SUPT3H: variants seen among roughly 807,000 people sequenced by gnomAD.
SUPT3H encodes transcription initiation protein SPT3 homolog.
In SUPT3H, 44 loss-of-function variants were observed where a neutral mutation model predicts 44.3. That is an observed-to-expected ratio of 0.99 (90% CI 0.78 to 1.28). SUPT3H has a LOEUF of 1.28. Ranked by LOEUF, SUPT3H falls within the 50% of genes most tolerant of loss-of-function variation. The pLI, the probability that SUPT3H is intolerant of heterozygous loss-of-function variation, is 0.00. For synonymous variants in SUPT3H, 124 were observed against 125.6 expected (o/e 0.99, Z 0.09); for missense variants, 380 against 387.1 (o/e 0.98, Z 0.15).
chr6:45,139,240 A>C (rs1354441645), intron 2 of SUPT3H, among the ~76,000 whole-genome samples: 1 of 152,240 alleles, frequency 6.6e-6, no homozygotes, highest in Non-Finnish European at 1.5e-5. Context: ...TAAAAACAAA[A>C]TGAAAATTTT....
intron 2 of SUPT3H, among the ~76,000 whole-genome samples, chr6:45,340,781 A>T (rs1399276081): frequency 2.0e-5 from 3 of 152,142 alleles, no homozygotes; most frequent in Non-Finnish European, 4.4e-5. Flanking sequence ...AACACCAAGA[A>T]TGTCTAATCC....
chr6:44,916,663 G>C (rs749655214), intron 10 of SUPT3H, among the ~76,000 whole-genome samples: 1 of 152,164 alleles, frequency 6.6e-6, no homozygotes, highest in Non-Finnish European at 1.5e-5. Context: ...CAAATGTCAG[G>C]CTGGGCTTCC....
intron 2 of SUPT3H, among the ~76,000 whole-genome samples, chr6:45,288,522 AG>A (rs1156928354): frequency 7.2e-6 from 1 of 138,482 alleles, no homozygotes; most frequent in Non-Finnish European, 1.6e-5. Context: ...ACACACAATA[AG>A]AGATACAATG....
chr6:45,342,296 T>C (rs2150139131), intron 2 of SUPT3H, among the ~76,000 whole-genome samples: 2 of 152,186 alleles, frequency 1.3e-5, no homozygotes, highest in Middle Eastern at 6.8e-3. Context: ...AGTGTGTCGC[T>C]CTGTCACCAG....
At chr6:45,285,715 A>G (rs1779116464) in intron 2 of SUPT3H, among the ~76,000 whole-genome samples, 1 of 152,110 alleles carries the variant, frequency 6.6e-6, no homozygotes, top group African/African-American at 2.4e-5. Context: ...GCTACCAATG[A>G]CTTTCTTCAC....
At chr6:44,987,227 G>A (rs1343613811) in intron 6 of SUPT3H, among the ~76,000 whole-genome samples, 1 of 145,742 alleles carries the variant, frequency 6.9e-6, no homozygotes, top group Non-Finnish European at 1.5e-5. Context: ...AACTCCCAAA[G>A]GTCCCATCTC....
intron 9 of SUPT3H, among the ~76,000 whole-genome samples, chr6:44,936,622 A>T (rs1562083829): frequency 6.6e-6 from 1 of 152,200 alleles, no homozygotes; most frequent in African/African-American, 2.4e-5. Context: ...GTTTCACATA[A>T]GATGATTGCC....
intron 9 of SUPT3H, among the ~76,000 whole-genome samples, chr6:44,939,057 A>C (rs566452516): frequency 2.6e-5 from 4 of 152,130 alleles, no homozygotes; most frequent in Admixed American, 6.5e-5. Flanking sequence ...GATAACTTTT[A>C]TTTCTTTCTC....
At chr6:45,272,684 CTT>C (rs1054042693) in intron 2 of SUPT3H, among the ~76,000 whole-genome samples, 60 of 152,262 alleles carry the variant, frequency 3.9e-4, no homozygotes, top group African/African-American at 1.2e-3. Flanking sequence ...CAAAATTGCT[CTT>C]GATTGGAGGA....
intron 2 of SUPT3H, 48 bp from the exon 3 acceptor site, chr6:45,106,054 G>GA: frequency 6.9e-7 from 1 of 1,439,242 alleles, no homozygotes; most frequent in South Asian, 1.2e-5. Context: ...ATAAAACTAA[G>GA]AAAGGCAAAA....
In SUPT3H at chr6:44,924,834, GA is replaced by G. The variant is rs772977012; in HGVS notation, c.912+7818del. Among the ~76,000 whole-genome samples the G allele has an allele frequency of 2.6e-3, 396 of 152,010 alleles. 10 individuals carry two copies. Among genetic ancestry groups the G allele is most frequent in the Non-Finnish European group, 8.2e-4 (56 of 67,928 alleles). On this transcript the variant is annotated intron_variant, in intron 10 of 10. Coordinates refer to ENST00000371459, the MANE Select transcript of SUPT3H (RefSeq NM_003599.4). ...TTAGTACTCTCAAAAAATTTATTATGAAAATTTTCACTTCCAGTAAAAACAC... is the reference window on the plus strand; with the variant it reads ...TTAGTACTCTCAAAAAATTTATTATGAAATTTTCACTTCCAGTAAAAACAC...
chr6:45,056,430 C>T (rs1448586011), intron 3 of SUPT3H, among the ~76,000 whole-genome samples: 2 of 152,124 alleles, frequency 1.3e-5, no homozygotes, highest in South Asian at 2.1e-4. Flanking sequence ...GAAACCAGTG[C>T]CAATGCTCAT....
intron 9 of SUPT3H, among the ~76,000 whole-genome samples, chr6:44,944,929 T>C (rs748369773): frequency 2.1e-4 from 32 of 152,116 alleles, no homozygotes; most frequent in Non-Finnish European, 4.3e-4. Context: ...CTTTGATTTA[T>C]TGTGCTTCAC....
chr6:44,838,948 TTTACAA>T (rs1334748241), intron 10 of SUPT3H, among the ~76,000 whole-genome samples: 1 of 152,200 alleles, frequency 6.6e-6, no homozygotes, highest in Non-Finnish European at 1.5e-5. Flanking sequence ...GCCATGGACA[TTTACAA>T]TAATATGCCT....
At chr6:45,371,581 G>A (rs961295683) in intron 1 of SUPT3H, among the ~76,000 whole-genome samples, 3 of 152,016 alleles carry the variant, frequency 2.0e-5, no homozygotes, top group African/African-American at 7.2e-5. Flanking sequence ...TCATTTTAGT[G>A]CTTTAGTTTT....
At chr6:45,077,994 C>G (rs915417389) in intron 3 of SUPT3H, among the ~76,000 whole-genome samples, 27 of 152,112 alleles carry the variant, frequency 1.8e-4, no homozygotes, top group Admixed American at 1.5e-3. Flanking sequence ...GGGGAACACA[C>G]AATCTAAAAC....
At position 45,101,962 on chromosome 6, in the gene SUPT3H, C is replaced by A. The variant is rs533319171; in HGVS notation, c.186+3960G>T. 2.6e-5 allele frequency among the ~76,000 whole-genome samples: 4 copies of A among 152,062 alleles called. No homozygotes were observed. In the South Asian group the frequency reaches 8.3e-4, roughly 32 times the overall value. Reference sequence around the variant, plus strand: ...TTCCTTCTTTGACAAACAATGGGGACCTCATAGTGGCAGAGGGTTGGGGTA... The same window carrying A: ...TTCCTTCTTTGACAAACAATGGGGAACTCATAGTGGCAGAGGGTTGGGGTA... On this transcript the variant is annotated intron_variant, in intron 3 of 10. Transcript: ENST00000371459.
At chr6:44,995,594 G>A (rs555357389) in intron 6 of SUPT3H, among the ~76,000 whole-genome samples, 66 of 152,052 alleles carry the variant, frequency 4.3e-4, no homozygotes, top group African/African-American at 1.4e-3. Context: ...ACATCTTTTT[G>A]CACAACATGC....
intron 3 of SUPT3H, among the ~76,000 whole-genome samples, chr6:45,030,681 G>T (rs1786778057): frequency 6.6e-6 from 1 of 152,128 alleles, no homozygotes; most frequent in Non-Finnish European, 1.5e-5. Flanking sequence ...TTACCAAATG[G>T]AAAGAATAAA....
Sources: allele counts gnomAD v4.1 joint callset (sites outside exome capture counted in the v4.1 genomes callset), GRCh38; gene constraint gnomAD v4.1.1; transcripts MANE v1.5; gene names NCBI Gene and HGNC (gene_info 2026-07-23, HGNC 2026-07-21).